MAGI1: variants seen among roughly 807,000 people sequenced by gnomAD.
MAGI1 encodes the protein membrane-associated guanylate kinase, WW and PDZ domain-containing protein 1.
In MAGI1, 58 loss-of-function variants were observed where a neutral mutation model predicts 139.9. The observed-to-expected ratio is 0.41, with a 90% confidence interval of 0.34 to 0.52. The LOEUF is 0.52. MAGI1 is among the 20% of genes least tolerant of loss of function. MAGI1 has a pLI of 0.12. For synonymous variants in MAGI1, 812 were observed against 737.9 expected (o/e 1.10, Z -1.63); for missense variants, 1,874 against 1,901.6 (o/e 0.99, Z 0.27).
chr3:65,824,562 G>T (rs2042123793), intron 1 of MAGI1, among the ~76,000 whole-genome samples: 1 of 152,204 alleles, frequency 6.6e-6, no homozygotes, highest in Admixed American at 6.5e-5. Flanking sequence ...AAGAATTTGT[G>T]TGTCTTTATC....
rs754416898 is a variant in MAGI1 at position 65,356,735 on chromosome 3, C to G, written c.4032G>C (p.Glu1344Asp). 7 of 1,595,794 alleles carry G rather than the reference C, an allele frequency of 4.4e-6. No individual in the cohort carries two copies. Among genetic ancestry groups the G allele is most frequent in the Non-Finnish European group, 6.0e-6 (7 of 1,171,610 alleles). The stretch of plus-strand genomic sequence containing the variant: ...GCTCCGGAGAGACGTCTCGTCTCTT[C>G]TCGTGCTTCTCCCTCCTCTCCAAAG... ...DNTLERREKH[E>D]KRRDVSPERR... The change falls in exon 23 of 23, where the codon GAG becomes GAC. Residue 1344 changes from glutamate (E) to aspartate (D), a missense_variant. Coordinates refer to ENST00000402939, the MANE Select transcript of MAGI1 (RefSeq NM_001033057.2).
At chr3:65,547,105 T>C (rs2079541251) in intron 2 of MAGI1, among the ~76,000 whole-genome samples, 1 of 152,008 alleles carries the variant, frequency 6.6e-6, no homozygotes, top group Admixed American at 6.5e-5. Flanking sequence ...AATACAAGAG[T>C]CCATGCTGAC....
Position 65,418,148 on chromosome 3 carries a change from T to C in MAGI1, c.2167+11372A>G, listed in dbSNP as rs181920443. ...TGACAAACTGTGGAGGCTGGGGCAC[T>C]CTGCTCCAGTTCCAGCAGACTGTTG... On this transcript the variant is annotated intron_variant, in intron 12 of 22. Transcript: ENST00000402939. Among the ~76,000 whole-genome samples the C allele has an allele frequency of 1.5e-4, 23 of 152,304 alleles. 2 individuals are homozygous for C. Among genetic ancestry groups the C allele is most frequent in the African/African-American group, 5.5e-4 (23 of 41,574 alleles).
At position 65,564,783 on chromosome 3, in the gene MAGI1, G is replaced by T. The variant is rs144112896; in HGVS notation, c.430+57189C>A. The stretch of plus-strand genomic sequence containing the variant: ...TTAGTTGTCAAAAGTGCTCTTAAAT[G>T]ATATCACAATTTTTTTCTCATCATT... On this transcript the variant is annotated intron_variant, in intron 2 of 22. Coordinates refer to ENST00000402939, the MANE Select transcript of MAGI1 (RefSeq NM_001033057.2). Among the ~76,000 whole-genome samples, 603 of 152,268 alleles carry T rather than the reference G, an allele frequency of 4.0e-3. 4 individuals carry two copies. The highest frequency in any genetic ancestry group is 0.014 in the African/African-American group (576 of 41,552).
chr3:65,629,063 G>A (rs2084138285), intron 1 of MAGI1, among the ~76,000 whole-genome samples: 1 of 152,082 alleles, frequency 6.6e-6, no homozygotes, highest in African/African-American at 2.4e-5. Flanking sequence ...TAACTAAGTT[G>A]TGTCGTGTCT....
intron 1 of MAGI1, among the ~76,000 whole-genome samples, chr3:65,981,230 G>A (rs1038879464): frequency 4.6e-5 from 7 of 151,888 alleles, no homozygotes; most frequent in South Asian, 2.1e-4. Context: ...CAAGAGCTCC[G>A]TAGCCATGTG....
At chr3:65,678,543 T>C (rs2087351801) in intron 1 of MAGI1, among the ~76,000 whole-genome samples, 1 of 152,102 alleles carries the variant, frequency 6.6e-6, no homozygotes, top group East Asian at 1.9e-4. Flanking sequence ...CCACTGGCCC[T>C]GAGTGGAGGG....
chr3:65,811,844 A>T (rs1333339096), intron 1 of MAGI1, among the ~76,000 whole-genome samples: 1 of 152,072 alleles, frequency 6.6e-6, no homozygotes, highest in Middle Eastern at 3.2e-3. Context: ...TCTTTTACTT[A>T]AGCTAGTCAT....
intron 1 of MAGI1, among the ~76,000 whole-genome samples, chr3:65,948,969 G>C (rs2063668577): frequency 6.6e-6 from 1 of 152,124 alleles, no homozygotes; most frequent in Admixed American, 6.6e-5. Flanking sequence ...GCCTAAGAAA[G>C]GTGACAAGAG....
At position 65,585,296 on chromosome 3, in the gene MAGI1, G is replaced by C. The variant is rs911423214; in HGVS notation, c.430+36676C>G. Among the ~76,000 whole-genome samples, 5 of 152,322 alleles carry C rather than the reference G, an allele frequency of 3.3e-5. No individual in the cohort carries two copies. The East Asian group carries it at 9.6e-4, about 29-fold the overall frequency. On this transcript the variant is annotated intron_variant, in intron 2 of 22. Transcript: ENST00000402939. ...CAATGGTGAGCAGGACTGACTGACA[G>C]CTTGTGCAATGCATTAAAATGTATG...
intron 1 of MAGI1, chr3:65,924,836 T>G (rs2062413936): frequency 6.6e-6 from 1 of 152,286 alleles, no homozygotes; most frequent in African/African-American, 2.4e-5. Context: ...GTACTCACAG[T>G]CATGCCTGGC....
chr3:65,823,696 A>G (rs2042066715), intron 1 of MAGI1, among the ~76,000 whole-genome samples: 2 of 152,250 alleles, frequency 1.3e-5, no homozygotes, highest in Admixed American at 1.3e-4. Context: ...AGGCAATAAA[A>G]CTGAGAAAAA....
chr3:65,716,529 T>A (rs184607448), intron 1 of MAGI1, among the ~76,000 whole-genome samples: 150 of 152,268 alleles, frequency 9.9e-4, no homozygotes, highest in Non-Finnish European at 1.5e-3. Flanking sequence ...GTAGGAACAG[T>A]GGGGAACAGC....
At chr3:65,521,241 C>A (rs2107800755) in intron 2 of MAGI1, among the ~76,000 whole-genome samples, 1 of 152,266 alleles carries the variant, frequency 6.6e-6, no homozygotes, top group East Asian at 1.9e-4. Flanking sequence ...GAATAGAGAA[C>A]TGATTTTTAA....
chr3:65,611,745 T>G (rs2106946674), intron 2 of MAGI1, among the ~76,000 whole-genome samples: 1 of 147,160 alleles, frequency 6.8e-6, no homozygotes, highest in Admixed American at 6.8e-5. Flanking sequence ...TATACATACA[T>G]AGTATATATA....
At chr3:65,462,634 G>GT (rs1197010618) in intron 5 of MAGI1, among the ~76,000 whole-genome samples, 4 of 152,186 alleles carry the variant, frequency 2.6e-5, no homozygotes, top group African/African-American at 9.7e-5. Context: ...ATTTAAAGTA[G>GT]TTTTTTCTAA....
chr3:65,523,534 G>T (rs192475940), intron 2 of MAGI1, among the ~76,000 whole-genome samples: 6 of 152,274 alleles, frequency 3.9e-5, no homozygotes, highest in Non-Finnish European at 8.8e-5. Context: ...TTCTGTCCTG[G>T]AGTGACCAGG....
chr3:65,475,226 T>G (rs1306899503), intron 4 of MAGI1, among the ~76,000 whole-genome samples: 1 of 152,180 alleles, frequency 6.6e-6, no homozygotes, highest in Non-Finnish European at 1.5e-5. Flanking sequence ...CTTCTTTCTT[T>G]TTTTTGAGAT....
chr3:65,719,952 T>C (rs908777268), intron 1 of MAGI1: 1 of 152,196 alleles, frequency 6.6e-6, no homozygotes, highest in Non-Finnish European at 1.5e-5. Flanking sequence ...TTGTCTATAG[T>C]TTATTTAACC....
Sources: allele counts gnomAD v4.1 joint callset (sites outside exome capture counted in the v4.1 genomes callset), GRCh38; gene constraint gnomAD v4.1.1; transcripts MANE v1.5; gene names NCBI Gene and HGNC (gene_info 2026-07-23, HGNC 2026-07-21).